The following PARVG variants were observed in gnomAD, a reference collection of about 807,000 sequenced individuals.
The protein encoded by PARVG is gamma-parvin.
PARVG carries 36 observed loss-of-function variants against 44.4 expected under a neutral mutation model. The observed-to-expected ratio is 0.81, with a 90% CI of 0.62 to 1.07. The LOEUF (loss-of-function observed/expected upper bound fraction) is 1.07, where lower values mean the gene tolerates loss of function less well. Ranked by LOEUF, PARVG falls within the 50% of genes least tolerant of loss-of-function variation. The pLI, the probability that PARVG is intolerant of heterozygous loss-of-function variation, is 0.00. For synonymous variants in PARVG, 170 were observed against 174.1 expected (o/e 0.98, Z 0.19); for missense variants, 407 against 407.4 (o/e 1.00, Z 0.01).
upstream of PARVG, among the ~76,000 whole-genome samples, chr22:44,175,980 A>C (rs2054315681): frequency 6.6e-6 from 1 of 152,218 alleles, no homozygotes; most frequent in Non-Finnish European, 1.5e-5. Flanking sequence ...GTCACCTTAA[A>C]GTATGCAACA....
At chr22:44,185,769 A>G in intron 3 of PARVG, 39 bp from the exon 4 acceptor site, 4 of 1,572,426 alleles carry the variant, frequency 2.5e-6, no homozygotes, top group Non-Finnish European at 3.5e-6. Flanking sequence ...AGCGCCCCAC[A>G]GGGTCCCCAT....
At chr22:44,193,758 T>G in intron 8 of PARVG, 43 bp from the exon 9 acceptor site, 3 of 1,602,774 alleles carry the variant, frequency 1.9e-6, no homozygotes. Flanking sequence ...TGCGGGGTGT[T>G]TTTTTTTTAA....
At chr22:44,201,247 A>G (rs1398386998) in intron 12 of PARVG, among the ~76,000 whole-genome samples, 1 of 151,994 alleles carries the variant, frequency 6.6e-6, no homozygotes, top group African/African-American at 2.4e-5. Context: ...AGCTCCCTGC[A>G]CTTTGCCTCT....
At chr22:44,179,428 G>A (rs1224563244), upstream of PARVG, among the ~76,000 whole-genome samples, 1 of 152,206 alleles carries the variant, frequency 6.6e-6, no homozygotes, top group African/African-American at 2.4e-5. The surrounding 1 kb of genome is among the most constrained non-coding windows in gnomAD (Gnocchi z 4.2). Flanking sequence ...CTTGAGCTGA[G>A]AATGTAAAGC....
In PARVG at chr22:44,189,252, A is replaced by G; in HGVS notation, c.386A>G (p.Glu129Gly). 6.2e-7 allele frequency: 1 copy of G among 1,613,916 alleles called. No individual in the cohort carries two copies. Among genetic ancestry groups the G allele is most frequent in the Non-Finnish European group, 8.5e-7 (1 of 1,179,878 alleles). ...GAGTGGCAGGCCAAGTGGAGCGTGG[A>G]GAGTACGTGGGCCACAACCTGGCTA... ...LEEWQAKWSV[E>G]SIFNKDLLST... The change falls in exon 6 of 14, where the codon GAG becomes GGG. Residue 129 changes from glutamate to glycine, a missense_variant and splice_region_variant. By Grantham distance (98) the Glu-to-Gly change is moderately conservative. Coordinates refer to ENST00000444313, the MANE Select transcript of PARVG (RefSeq NM_022141.7).
chr22:44,175,913 T>C (rs1310586601), intron 1 of PARVG, among the ~76,000 whole-genome samples: 1 of 152,182 alleles, frequency 6.6e-6, no homozygotes, highest in East Asian at 1.9e-4. Context: ...TAGGTGGCCA[T>C]GTGGCTGGTC....
intron 1 of PARVG, among the ~76,000 whole-genome samples, chr22:44,174,023 C>T (rs1025728631): frequency 1.3e-5 from 2 of 152,128 alleles, no homozygotes; most frequent in Non-Finnish European, 2.9e-5. Context: ...ACTGAAATGC[C>T]GAGTTTTCAA....
At chr22:44,198,337 T>C (rs1220457973) in intron 11 of PARVG, among the ~76,000 whole-genome samples, 1 of 152,260 alleles carries the variant, frequency 6.6e-6, no homozygotes, top group Non-Finnish European at 1.5e-5. Flanking sequence ...CCTGTGTTTC[T>C]GTAGCTTGTG....
chr22:44,189,226 G>A lies in PARVG; in HGVS notation c.360G>A (p.Glu120=). The change falls in exon 6 of 14, where the codon GAG becomes GAA. Residue 120 remains glutamate, a synonymous_variant. Coordinates refer to ENST00000444313, the MANE Select transcript of PARVG (RefSeq NM_022141.7). ...LEAVNRSLQL[E]EWQAKWSVES... ...CCGTGAACCGGAGTCTGCAGCTGGA[G>A]GAGTGGCAGGCCAAGTGGAGCGTGG... 1 of 1,614,188 alleles carries A rather than the reference G, an allele frequency of 6.2e-7. No homozygotes were observed. The highest frequency in any genetic ancestry group is 8.5e-7 in the Non-Finnish European group (1 of 1,180,008).
At chr22:44,195,969 C>G in intron 9 of PARVG, 186 bp from the exon 10 acceptor site, 1 of 628,876 alleles carries the variant, frequency 1.6e-6, no homozygotes, top group Non-Finnish European at 2.8e-6. Context: ...GGTGACTCCC[C>G]TGGGGCCACA....
At chr22:44,180,636 A>C (rs1255405287), upstream of PARVG, among the ~76,000 whole-genome samples, 1 of 152,188 alleles carries the variant, frequency 6.6e-6, no homozygotes, top group African/African-American at 2.4e-5. Flanking sequence ...GGGGGTGATG[A>C]TTGTACCTAC....
chr22:44,206,563 A>G lies in PARVG; in HGVS notation c.*137A>G. The stretch of plus-strand genomic sequence containing the variant: ...CCCTCCCACCCTGTCTCCTGTCTCC[A>G]TCGTTGGATTATCTTTGAACCCCCT... On this transcript the variant is annotated 3_prime_UTR_variant, in exon 14 of 14. Coordinates refer to ENST00000444313, the MANE Select transcript of PARVG (RefSeq NM_022141.7). 1.4e-6 allele frequency: 1 copy of G among 737,922 alleles called. No individual in the cohort carries two copies. Among genetic ancestry groups the G allele is most frequent in the Non-Finnish European group, 2.3e-6 (1 of 426,796 alleles). 45.7% of individuals were successfully genotyped at this position (737,922 alleles called of 1,614,324 possible).
intron 9 of PARVG, 119 bp from the exon 10 acceptor site, chr22:44,196,036 A>G: frequency 1.9e-6 from 2 of 1,068,574 alleles, no homozygotes; most frequent in Non-Finnish European, 2.8e-6. Flanking sequence ...ACCATGATGT[A>G]AAACGACAGC....
intron 12 of PARVG, 120 bp from the exon 13 acceptor site, chr22:44,205,636 GA>G: frequency 8.5e-7 from 1 of 1,177,480 alleles, no homozygotes; most frequent in Non-Finnish European, 1.2e-6. Context: ...GCCCACCTTG[GA>G]TGGGAGTTTA....
intron 8 of PARVG, among the ~76,000 whole-genome samples, chr22:44,192,591 C>A (rs574194700): frequency 6.7e-6 from 1 of 149,634 alleles, no homozygotes; most frequent in East Asian, 2.0e-4. Context: ...CCCACTGGGG[C>A]ATGGCCATCC....
chr22:44,184,906 A>G (rs901298205), intron 3 of PARVG: 8 of 152,250 alleles, frequency 5.3e-5, no homozygotes, highest in African/African-American at 1.9e-4. Flanking sequence ...AACTGATTTA[A>G]ATTACTAAAA....
chr22:44,186,672 T>C (rs1454600778), intron 4 of PARVG: 1 of 470,972 alleles, frequency 2.1e-6, no homozygotes, highest in Admixed American at 2.3e-5. Context: ...CTCAGCTCGG[T>C]CTCCTCCACA....
chr22:44,183,016 A>T, intron 2 of PARVG: 2 of 394,356 alleles, frequency 5.1e-6, no homozygotes, highest in Non-Finnish European at 9.1e-6. Context: ...TGGGGGCTGC[A>T]GGAGCACGGT....
At chr22:44,201,381 A>G (rs768234234) in intron 12 of PARVG, among the ~76,000 whole-genome samples, 59 of 152,070 alleles carry the variant, frequency 3.9e-4, no homozygotes, top group Non-Finnish European at 5.7e-4. Flanking sequence ...CAGCTGCTCA[A>G]TGGCAGCCTC....
Sources: gnomAD v4.1 joint callset for allele counts (sites outside exome capture counted in the v4.1 genomes callset) on GRCh38, gnomAD v4.1.1 for gene constraint, Gnocchi (gnomAD v3.1) non-coding constraint, MANE v1.5 for transcripts, NCBI Gene and HGNC (gene_info 2026-07-23, HGNC 2026-07-21) for gene names.